Variants in NRG3 observed in about 807,000 individuals in gnomAD.
The protein encoded by NRG3 is pro-neuregulin-3, membrane-bound isoform.
Under a neutral mutation model 66.9 loss-of-function variants are expected in NRG3, and 31 were observed. The ratio of observed to expected loss-of-function variants is 0.46; its 90% confidence interval spans 0.35 to 0.63. The LOEUF (loss-of-function observed/expected upper bound fraction) is 0.63. NRG3 is among the 20% of genes least tolerant of loss of function. The pLI, the probability that NRG3 is intolerant of heterozygous loss-of-function variation, is 0.00. For synonymous variants in NRG3, 393 were observed against 359.4 expected (o/e 1.09, Z -1.06); for missense variants, 910 against 878.9 (o/e 1.04, Z -0.45).
intron 1 of NRG3, among the ~76,000 whole-genome samples, chr10:82,208,133 C>T (rs2075217678): frequency 6.6e-6 from 1 of 152,038 alleles, no homozygotes; most frequent in Non-Finnish European, 1.5e-5. Flanking sequence ...ACTTAAGTCT[C>T]ATCGATATAA....
intron 1 of NRG3, among the ~76,000 whole-genome samples, chr10:81,936,331 G>A (rs1847867443): frequency 6.6e-6 from 1 of 152,150 alleles, no homozygotes; most frequent in Non-Finnish European, 1.5e-5. Flanking sequence ...ACTGTGATTG[G>A]AGTTCTATTC....
chr10:82,473,884 CT>C (rs1841508252), intron 2 of NRG3, among the ~76,000 whole-genome samples: 1 of 152,086 alleles, frequency 6.6e-6, no homozygotes, highest in African/African-American at 2.4e-5. Context: ...GTGAAGACCC[CT>C]GAGACAAGAG....
At chr10:82,435,546 C>A (rs563843189) in intron 2 of NRG3, among the ~76,000 whole-genome samples, 18 of 151,856 alleles carry the variant, frequency 1.2e-4, no homozygotes, top group Non-Finnish European at 2.4e-4. Flanking sequence ...GTTAAGTTGT[C>A]GATATGAGAT....
chr10:82,149,973 G>C (rs987846676), intron 1 of NRG3, among the ~76,000 whole-genome samples: 2 of 152,100 alleles, frequency 1.3e-5, no homozygotes, highest in African/African-American at 2.4e-5. Context: ...GGCCAGCTGT[G>C]CCAGGAATCC....
intron 3 of NRG3, among the ~76,000 whole-genome samples, chr10:82,808,672 G>T (rs957792278): frequency 6.6e-6 from 1 of 152,046 alleles, no homozygotes; most frequent in Non-Finnish European, 1.5e-5. Context: ...ATGATTAATA[G>T]AATTACCCAT....
At chr10:82,135,995 A>G (rs1333324120) in intron 1 of NRG3, among the ~76,000 whole-genome samples, 1 of 152,088 alleles carries the variant, frequency 6.6e-6, no homozygotes, top group East Asian at 1.9e-4. Context: ...AAGGCTTTTC[A>G]TGTATTCAAA....
At chr10:82,691,990 G>A (rs751840511) in intron 2 of NRG3, among the ~76,000 whole-genome samples, 1 of 152,248 alleles carries the variant, frequency 6.6e-6, no homozygotes, top group African/African-American at 2.4e-5. Flanking sequence ...CAGGATAAAA[G>A]GTAACAATTG....
chr10:81,884,387 G>C (rs1842432206), intron 1 of NRG3, among the ~76,000 whole-genome samples: 1 of 152,106 alleles, frequency 6.6e-6, no homozygotes, highest in Admixed American at 6.5e-5. Context: ...TTCGGTAAAA[G>C]ATAAAGAATA....
At chr10:82,395,064 G>A (rs897928538) in intron 2 of NRG3, among the ~76,000 whole-genome samples, 27 of 152,108 alleles carry the variant, frequency 1.8e-4, no homozygotes, top group African/African-American at 6.5e-4. Flanking sequence ...GGCCTGAAAT[G>A]GGCTCATGAA....
intron 1 of NRG3, among the ~76,000 whole-genome samples, chr10:81,887,817 T>C (rs907783282): frequency 1.3e-5 from 2 of 152,074 alleles, no homozygotes; most frequent in African/African-American, 2.4e-5. Flanking sequence ...GTGATTATCT[T>C]TGGGGAGGAG....
At chr10:82,979,402 T>A (rs575048527) in intron 8 of NRG3, among the ~76,000 whole-genome samples, 2 of 152,300 alleles carry the variant, frequency 1.3e-5, no homozygotes, top group Non-Finnish European at 2.9e-5. Flanking sequence ...CTAATACAAC[T>A]GGAAATTTGT....
chr10:82,012,146 G>A (rs1391785963), intron 1 of NRG3, among the ~76,000 whole-genome samples: 3 of 152,194 alleles, frequency 2.0e-5, no homozygotes, highest in African/African-American at 7.2e-5. Context: ...TCTAGGTGGA[G>A]GTTCCCAAAC....
intron 1 of NRG3, among the ~76,000 whole-genome samples, chr10:81,996,380 T>C (rs1028525810): frequency 1.3e-5 from 2 of 152,164 alleles, no homozygotes; most frequent in Non-Finnish European, 2.9e-5. Context: ...TCAAATGGCT[T>C]ATGGAGCTCT....
chr10:82,204,358 G>A (rs989131089), intron 1 of NRG3, among the ~76,000 whole-genome samples: 4 of 152,114 alleles, frequency 2.6e-5, no homozygotes, highest in Admixed American at 2.0e-4. Flanking sequence ...CTTCACCTAG[G>A]GGTGTTCCTG....
intron 1 of NRG3, among the ~76,000 whole-genome samples, chr10:82,099,430 A>T (rs1590106984): frequency 1.3e-5 from 2 of 152,144 alleles, no homozygotes; most frequent in Non-Finnish European, 2.9e-5. Context: ...ACTTTTTCCA[A>T]TTCCACATTG....
At chr10:82,199,170 C>T (rs111516464) in intron 1 of NRG3, among the ~76,000 whole-genome samples, 14,020 of 127,972 alleles carry the variant, frequency 0.11, 1,114 homozygotes, top group East Asian at 0.37. Flanking sequence ...AGACTCTGTC[C>T]GGAAAAAAAA....
At chr10:82,921,987 A>G (rs1045535467) in intron 4 of NRG3, among the ~76,000 whole-genome samples, 1 of 152,198 alleles carries the variant, frequency 6.6e-6, no homozygotes, top group Non-Finnish European at 1.5e-5. Flanking sequence ...GTATTTTGTA[A>G]ACTATATAGA....
At chr10:82,725,620 G>A (rs1308846612) in intron 2 of NRG3, among the ~76,000 whole-genome samples, 1 of 152,024 alleles carries the variant, frequency 6.6e-6, no homozygotes, top group Non-Finnish European at 1.5e-5. Context: ...TTCCAACATA[G>A]GTAAAATTGA....
intron 3 of NRG3, among the ~76,000 whole-genome samples, chr10:82,793,211 A>G (rs1182859686): frequency 6.6e-6 from 1 of 152,160 alleles, no homozygotes; most frequent in African/African-American, 2.4e-5. Flanking sequence ...ATTAAATTTC[A>G]CATGAATTTT....
Sources: gnomAD v4.1 joint callset for allele counts (sites outside exome capture counted in the v4.1 genomes callset) on GRCh38, gnomAD v4.1.1 for gene constraint, MANE v1.5 for transcripts, NCBI Gene and HGNC (gene_info 2026-07-23, HGNC 2026-07-21) for gene names.